Variants in CDC7 observed in about 807,000 individuals in gnomAD.
CDC7 encodes the protein cell division cycle 7, also known as cell division cycle 7-related protein kinase.
CDC7 carries 34 observed loss-of-function variants against 53.5 expected under a neutral mutation model. The ratio of observed to expected loss-of-function variants is 0.64; its 90% CI spans 0.48 to 0.85. CDC7 has a LOEUF of 0.85. Ranked by LOEUF, CDC7 falls within the 40% of genes least tolerant of loss-of-function variation. CDC7 has a pLI of 0.00. For missense variants in CDC7, 594 were observed against 679.7 expected (o/e 0.87, Z 1.40); for synonymous variants, 211 against 222.8 (o/e 0.95, Z 0.47).
At chr1:91,513,873 A>G in intron 7 of CDC7, 75 bp from the exon 8 acceptor site, 2 of 1,070,698 alleles carry the variant, frequency 1.9e-6, no homozygotes, top group South Asian at 1.4e-5. Context: ...CTCTTTCAAA[A>G]CTATGGCAGA....
rs762801514 is a variant in CDC7 at position 91,501,825 on chromosome 1, C to T, written c.109C>T (p.Leu37Phe). The T allele has an allele frequency of 3.8e-5, 61 of 1,609,778 alleles. No individual in the cohort carries two copies. The South Asian group carries it at 6.2e-4, about 16-fold the overall frequency. Reference sequence around the variant, plus strand: ...AAAAAAAAACGAGCAGAATTTTAAACTTGCAGGTACGTGTTTAAATCCAAA... The same window carrying T: ...AAAAAAAAACGAGCAGAATTTTAAATTTGCAGGTACGTGTTTAAATCCAAA... ...SLKKNEQNFK[L>F]AGVKKDIEKL... Residue 37 changes from leucine (L) to phenylalanine (F), a missense_variant, in exon 2 of 12, where the codon CTT (leucine) becomes TTT (phenylalanine). Physicochemically the swap from Leu to Phe is conservative, Grantham distance 22. Transcript: ENST00000234626.
At chr1:91,518,141 G>A (rs1221759902) in intron 10 of CDC7, among the ~76,000 whole-genome samples, 3 of 128,180 alleles carry the variant, frequency 2.3e-5, no homozygotes, top group Admixed American at 8.1e-5. Context: ...CCAAGGAACA[G>A]AGAGCAGATA....
At chr1:91,512,234 A>G (rs1386447410) in intron 6 of CDC7, among the ~76,000 whole-genome samples, 1 of 152,070 alleles carries the variant, frequency 6.6e-6, no homozygotes, top group Non-Finnish European at 1.5e-5. Context: ...TCTCTTAGAT[A>G]TAATATAACA....
intron 2 of CDC7, among the ~76,000 whole-genome samples, chr1:91,507,430 AATAC>A (rs1480881764): frequency 6.6e-6 from 1 of 152,232 alleles, no homozygotes; most frequent in African/African-American, 2.4e-5. Context: ...GTGAATATTT[AATAC>A]ATAAAATTTT....
Position 91,525,606 on chromosome 1 carries a change from A to AT in CDC7, c.*1175dup, listed in dbSNP as rs763105412. The AT allele has an allele frequency of 6.6e-6, 1 of 152,060 alleles. No individual in the cohort carries two copies. Among genetic ancestry groups the AT allele is most frequent in the Non-Finnish European group, 1.5e-5 (1 of 67,952 alleles). The allele number at this position is 152,060 out of a possible 1,614,324, so 9.4% of individuals were successfully genotyped here. The stretch of plus-strand genomic sequence containing the variant: ...TTTAGGGACATGTATTCATTTTGTT[A>AT]TTTTGAGCATTGATAGGTCAGTATA... On this transcript the variant is annotated 3_prime_UTR_variant, in exon 12 of 12. Coordinates refer to ENST00000234626, the MANE Select transcript of CDC7 (RefSeq NM_003503.4).
intron 8 of CDC7, 24 bp downstream of exon 8, chr1:91,514,067 T>C (rs1667425128): frequency 1.4e-6 from 2 of 1,418,664 alleles, no homozygotes; most frequent in South Asian, 1.2e-5. Context: ...CTTAATAGCA[T>C]AATGGTCAGT....
rs373838426 is a variant in CDC7, at chr1:91,513,101, A to G, written c.616A>G (p.Thr206Ala). 6.8e-6 allele frequency: 11 copies of G among 1,613,450 alleles called. No homozygotes were observed. The highest frequency in any genetic ancestry group is 8.5e-6 in the Non-Finnish European group (10 of 1,179,618). The change falls in exon 7 of 12, where the codon ACG (threonine) becomes GCG (alanine). Residue 206 changes from threonine to alanine, a missense_variant. Physicochemically the swap from Thr to Ala is moderately conservative, Grantham distance 58 (BLOSUM62 0). Transcript: ENST00000234626. ...DFGLAQGTHD[T>A]KIELLKFVQS... The stretch of plus-strand genomic sequence containing the variant: ...TGGTTTGGCCCAAGGAACCCATGAT[A>G]CGAAAATAGAGCTTCTTAAATTTGT...
At chr1:91,512,849 G>A (rs1481606586) in intron 6 of CDC7, among the ~76,000 whole-genome samples, 3 of 151,876 alleles carry the variant, frequency 2.0e-5, no homozygotes, top group African/African-American at 7.3e-5. Flanking sequence ...TTTGATTGTG[G>A]GACAACTCTT....
chr1:91,523,215 CATAA>C (rs1310818545), intron 11 of CDC7, among the ~76,000 whole-genome samples: 3 of 151,770 alleles, frequency 2.0e-5, no homozygotes, highest in Admixed American at 6.6e-5. Context: ...AGGGAGAGAA[CATAA>C]ATAAATACTA....
chr1:91,524,049 A>G lies in CDC7; in HGVS notation c.1339A>G (p.Ile447Val), dbSNP rs868320922. Residue 447 changes from isoleucine to valine, a missense_variant, in exon 12 of 12, where the codon ATA becomes GTA. Transcript: ENST00000234626. Reference sequence around the variant, plus strand: ...TCTTCTTTTGCTTTTAGGGAAATCAATATTATGTAGCAAAGAAGTTCCAGC... The same window carrying G: ...TCTTCTTTTGCTTTTAGGGAAATCAGTATTATGTAGCAAAGAAGTTCCAGC... ...IQAAKTFGKS[I>V]LCSKEVPAQD... 1 of 1,589,306 alleles carries G rather than the reference A, an allele frequency of 6.3e-7. No individual in the cohort carries two copies. Among genetic ancestry groups the G allele is most frequent in the Admixed American group, 1.8e-5 (1 of 55,154 alleles).
At position 91,523,934 on chromosome 1, in the gene CDC7, A is replaced by G. The variant is rs547035872; in HGVS notation, c.1331-107A>G. On this transcript the variant is annotated intron_variant, in intron 11 of 11. Transcript: ENST00000234626. ...TGTGTGTGTGTGTGTGTCCATGTCT[A>G]TAAAGCATATGTTTGAACTTTCATG... 167 of 730,326 alleles carry G rather than the reference A, an allele frequency of 2.3e-4. 1 individual carries two copies. The highest frequency in any genetic ancestry group is 3.3e-4 in the Non-Finnish European group (150 of 448,648). 45.2% of individuals were successfully genotyped at this position (730,326 alleles called of 1,614,324 possible). A position where few individuals can be genotyped will look rare whatever the true frequency, so the allele number is the denominator to read the frequency against.
chr1:91,506,130 C>G (rs975357606), intron 2 of CDC7, among the ~76,000 whole-genome samples: 2 of 152,178 alleles, frequency 1.3e-5, no homozygotes, highest in South Asian at 4.1e-4. Flanking sequence ...GCCTCAGTCT[C>G]TGTAGCTGAG....
At position 91,524,055 on chromosome 1, in the gene CDC7, T is replaced by C. The variant is rs1271231210; in HGVS notation, c.1345T>C (p.Cys449Arg). The stretch of plus-strand genomic sequence containing the variant: ...TTTGCTTTTAGGGAAATCAATATTA[T>C]GTAGCAAAGAAGTTCCAGCACAAGA... ...AAKTFGKSILCSKEVPAQDLR... is the reference protein window; with the variant it reads ...AAKTFGKSILRSKEVPAQDLR... The change falls in exon 12 of 12, where the codon TGT (cysteine) becomes CGT (arginine). Residue 449 changes from cysteine to arginine, a missense_variant. Physicochemically the swap from Cys to Arg is radical, Grantham distance 180 (BLOSUM62 -3). Coordinates refer to ENST00000234626, the MANE Select transcript of CDC7 (RefSeq NM_003503.4). 3 of 1,595,006 alleles carry C rather than the reference T, an allele frequency of 1.9e-6. No individual in the cohort carries two copies. Among genetic ancestry groups the C allele is most frequent in the Admixed American group, 1.8e-5 (1 of 56,316 alleles).
At chr1:91,505,871 G>T (rs1393238757) in intron 2 of CDC7, among the ~76,000 whole-genome samples, 8 of 152,150 alleles carry the variant, frequency 5.3e-5, no homozygotes. Flanking sequence ...GAGTAGTGGT[G>T]TGGAAGTACC....
At chr1:91,516,534 T>C (rs986061683) in intron 10 of CDC7, among the ~76,000 whole-genome samples, 1 of 152,116 alleles carries the variant, frequency 6.6e-6, no homozygotes, top group Non-Finnish European at 1.5e-5. Context: ...AATAAATAAA[T>C]GAGACCATCT....
At position 91,524,908 on chromosome 1, in the gene CDC7, C is replaced by G. The variant is rs1017826248; in HGVS notation, c.*473C>G. 2.0e-5 allele frequency: 3 copies of G among 153,180 alleles called. No individual in the cohort carries two copies. The highest frequency in any genetic ancestry group is 2.9e-5 in the Non-Finnish European group (2 of 68,866). 9.5% of individuals were successfully genotyped at this position (153,180 alleles called of 1,614,324 possible). A position where few individuals can be genotyped will look rare whatever the true frequency, so the allele number is the denominator to read the frequency against. On this transcript the variant is annotated 3_prime_UTR_variant, in exon 12 of 12. Transcript: ENST00000234626. ...TAAATAAAGAAGATAATTTCCTTTT[C>G]TAGAGGTACATATTAGGCCTTTTAT...
chr1:91,516,619 G>A lies in CDC7; in HGVS notation c.1180+743G>A, dbSNP rs531266549. On this transcript the variant is annotated intron_variant, in intron 10 of 11. Transcript: ENST00000234626. ...GAGTATGGTAATAAAACTTATTCAG[G>A]GTATTTAAGGAGTATCTAACTATCC... is the stretch of plus-strand genomic sequence containing the variant. 4.6e-5 allele frequency among the ~76,000 whole-genome samples: 7 copies of A among 152,096 alleles called. No individual in the cohort carries two copies. The South Asian group carries it at 1.5e-3, about 32-fold the overall frequency.
intron 4 of CDC7, among the ~76,000 whole-genome samples, chr1:91,509,509 A>G (rs1667164848): frequency 6.6e-6 from 1 of 151,932 alleles, no homozygotes; most frequent in African/African-American, 2.4e-5. Flanking sequence ...CACATTAATC[A>G]CTAAGTCCTA....
chr1:91,503,191 T>A (rs566428333), intron 2 of CDC7, among the ~76,000 whole-genome samples: 1 of 152,300 alleles, frequency 6.6e-6, no homozygotes, highest in South Asian at 2.1e-4. Flanking sequence ...TGGGAAGTAA[T>A]GAATGGGGTG....
Sources: gnomAD v4.1 joint callset for allele counts (sites outside exome capture counted in the v4.1 genomes callset) on GRCh38, gnomAD v4.1.1 for gene constraint, MANE v1.5 for transcripts, NCBI Gene and HGNC (gene_info 2026-07-23, HGNC 2026-07-21) for gene names.